Variants in SOX5 observed in about 807,000 individuals in gnomAD.
SOX5 encodes transcription factor SOX-5.
In SOX5, 9 loss-of-function variants were observed where a neutral mutation model predicts 92.0. The observed-to-expected ratio is 0.10, with a 90% CI of 0.06 to 0.17. The LOEUF (loss-of-function observed/expected upper bound fraction) is 0.17. SOX5 is among the 10% of genes least tolerant of loss of function. The probability of loss-of-function intolerance (pLI) is 1.00; values close to 1 mark genes in which losing one functional copy is unlikely to be tolerated. For missense variants in SOX5, 642 were observed against 944.5 expected (o/e 0.68, Z 4.20); for synonymous variants, 344 against 336.3 (o/e 1.02, Z -0.25).
chr12:24,221,121 A>G (rs1207009635), intron 3 of SOX5, among the ~76,000 whole-genome samples: 1 of 152,212 alleles, frequency 6.6e-6, no homozygotes, highest in African/African-American at 2.4e-5. Flanking sequence ...AATATATCAC[A>G]TAACCTCTTC....
At chr12:24,478,029 C>G (rs1307592347) in intron 1 of SOX5, among the ~76,000 whole-genome samples, 1 of 152,108 alleles carries the variant, frequency 6.6e-6, no homozygotes, top group Non-Finnish European at 1.5e-5. Context: ...TGAAACCCCT[C>G]AAAATCAATA....
chr12:23,780,514 A>C (rs945705524), intron 3 of SOX5, among the ~76,000 whole-genome samples: 4 of 151,984 alleles, frequency 2.6e-5, no homozygotes. Flanking sequence ...TTTGAGTGTA[A>C]TAAAAAATTA....
intron 2 of SOX5, among the ~76,000 whole-genome samples, chr12:24,365,481 G>A (rs1321505725): frequency 6.6e-6 from 1 of 151,624 alleles, no homozygotes; most frequent in East Asian, 1.9e-4. Context: ...AAGTACCCAT[G>A]TTTTCCTATG....
chr12:23,999,428 A>C (rs1353498198), intron 4 of SOX5, among the ~76,000 whole-genome samples: 1 of 152,102 alleles, frequency 6.6e-6, no homozygotes, highest in African/African-American at 2.4e-5. Flanking sequence ...AATATACTTA[A>C]ATTTTCCTAA....
intron 6 of SOX5, among the ~76,000 whole-genome samples, chr12:23,666,197 T>A (rs1391613674): frequency 6.6e-6 from 1 of 152,074 alleles, no homozygotes; most frequent in Non-Finnish European, 1.5e-5. Flanking sequence ...GGGTCTAGAA[T>A]TCAGTCTCTT....
intron 9 of SOX5, among the ~76,000 whole-genome samples, chr12:23,589,575 T>C (rs1951230363): frequency 6.6e-6 from 1 of 151,962 alleles, no homozygotes; most frequent in African/African-American, 2.4e-5. Flanking sequence ...ATACTTTATT[T>C]AAAGCACAGT....
intron 1 of SOX5, among the ~76,000 whole-genome samples, chr12:23,914,302 T>G (rs1166334824): frequency 6.6e-6 from 1 of 152,202 alleles, no homozygotes; most frequent in Non-Finnish European, 1.5e-5. Context: ...AGTAGAACAT[T>G]ATACTCAATT....
chr12:24,393,020 A>C lies in SOX5; in HGVS notation c.-250-24381T>G, dbSNP rs1039118822. 6.6e-6 allele frequency among the ~76,000 whole-genome samples: 1 copy of C among 152,214 alleles called. No homozygotes were observed. The highest frequency in any genetic ancestry group is 6.5e-5 in the Admixed American group (1 of 15,278). ...AGCCCAAACCCTCTGTTATCAAAGA[A>C]CAGCAGCATATGAGAGGCTTCAATC... On this transcript the variant is annotated intron_variant, in intron 1 of 4. Coordinates refer to the SOX5 transcript ENST00000446891. The surrounding 1 kb of genome is among the most constrained non-coding windows in gnomAD (Gnocchi z 5.0).
At chr12:23,603,915 T>A (rs910987183) in intron 9 of SOX5, 1 of 158,224 alleles carries the variant, frequency 6.3e-6, no homozygotes, top group Non-Finnish European at 1.4e-5. Context: ...TAGGTCCTAA[T>A]TCTACTTGTA....
chr12:23,566,272 T>C (rs1947067878), intron 10 of SOX5, among the ~76,000 whole-genome samples: 1 of 152,212 alleles, frequency 6.6e-6, no homozygotes, highest in South Asian at 2.1e-4. Flanking sequence ...ACACTGTTTC[T>C]CTTTTTATCT....
At chr12:24,385,621 C>T (rs904364537) in intron 1 of SOX5, among the ~76,000 whole-genome samples, 5 of 152,066 alleles carry the variant, frequency 3.3e-5, no homozygotes, top group African/African-American at 9.7e-5. Context: ...TATGTTGGGA[C>T]GTCATGCTGA....
chr12:24,089,484 T>G (rs1441007638), intron 4 of SOX5, among the ~76,000 whole-genome samples: 1 of 152,172 alleles, frequency 6.6e-6, no homozygotes, highest in Non-Finnish European at 1.5e-5. Flanking sequence ...AATGTATACA[T>G]GACTATACAT....
intron 9 of SOX5, among the ~76,000 whole-genome samples, chr12:23,601,135 A>G (rs2074441972): frequency 6.6e-6 from 1 of 152,084 alleles, no homozygotes. Context: ...ACACTCCCCA[A>G]GCCACCAACT....
At chr12:24,549,969 A>G (rs1274096473) in intron 1 of SOX5, among the ~76,000 whole-genome samples, 2 of 152,200 alleles carry the variant, frequency 1.3e-5, no homozygotes, top group Non-Finnish European at 2.9e-5. Context: ...TGCAAGCATC[A>G]TTTTGAGGGA....
intron 7 of SOX5, among the ~76,000 whole-genome samples, chr12:23,656,452 A>G (rs764066495): frequency 6.6e-6 from 1 of 152,146 alleles, no homozygotes; most frequent in Non-Finnish European, 1.5e-5. Flanking sequence ...ATACAAAAAT[A>G]TTCATTGTAG....
rs147948552 is a variant in SOX5, at chr12:24,420,372, C to T, written c.-250-51733G>A. ...CGAAGCTATCAAAGATAACTACAGC[C>T]ATGTGAAAATACTCAAAAGCCAACT... is the stretch of plus-strand genomic sequence containing the variant. On this transcript the variant is annotated intron_variant, in intron 1 of 4. Transcript: ENST00000446891. Among the ~76,000 whole-genome samples the T allele has an allele frequency of 4.5e-3, 683 of 152,198 alleles. 3 individuals carry two copies. Among genetic ancestry groups the T allele is most frequent in the African/African-American group, 0.015 (640 of 41,536 alleles).
At chr12:23,563,149 C>G in intron 11 of SOX5, 109 bp downstream of exon 11, 1 of 910,490 alleles carries the variant, frequency 1.1e-6, no homozygotes, top group Non-Finnish European at 1.7e-6. Context: ...AGAAAAGGGA[C>G]AGAGAATCAT....
intron 2 of SOX5, among the ~76,000 whole-genome samples, chr12:24,343,864 C>T (rs1249331285): frequency 3.3e-5 from 5 of 151,970 alleles, no homozygotes; most frequent in African/African-American, 7.3e-5. Flanking sequence ...GCCAGAAAGC[C>T]GACTGTAAGT....
At chr12:23,570,910 CAAA>C (rs148593886) in intron 10 of SOX5, among the ~76,000 whole-genome samples, 202 of 8,092 alleles carry the variant, frequency 0.025, no homozygotes, top group Non-Finnish European at 0.037. Context: ...GACTCCAACT[CAAA>C]AAAAAAAAAA....
Sources: allele counts gnomAD v4.1 joint callset (sites outside exome capture counted in the v4.1 genomes callset), GRCh38; gene constraint gnomAD v4.1.1; non-coding constraint Gnocchi (gnomAD v3.1); transcripts MANE v1.5; gene names NCBI Gene and HGNC (gene_info 2026-07-23, HGNC 2026-07-21).